Variants in DPH6 observed in about 807,000 individuals in gnomAD.
DPH6 encodes diphthamine biosynthesis 6.
Under a neutral mutation model 38.2 loss-of-function variants are expected in DPH6, and 33 were observed. The ratio of observed to expected loss-of-function variants is 0.86; its 90% CI spans 0.65 to 1.15. DPH6 has a LOEUF of 1.15. Ranked by LOEUF, DPH6 falls within the 50% of genes most tolerant of loss-of-function variation. The pLI, the probability that DPH6 is intolerant of heterozygous loss-of-function variation, is 0.00. For synonymous variants in DPH6, 108 were observed against 103.0 expected, an observed-to-expected ratio of 1.05 and a Z score of -0.30; for missense variants, 325 against 320.0, an observed-to-expected ratio of 1.02 and a Z score of -0.12.
At chr15:35,315,428 G>A (rs977431798) in intron 3 of DPH6, among the ~76,000 whole-genome samples, 4 of 152,238 alleles carry the variant, frequency 2.6e-5, no homozygotes, top group Admixed American at 1.3e-4. Flanking sequence ...AGATGTGTTT[G>A]AGCATAGTTA....
intron 3 of DPH6, among the ~76,000 whole-genome samples, chr15:35,510,589 C>T (rs2054756144): frequency 6.6e-6 from 1 of 152,124 alleles, no homozygotes; most frequent in African/African-American, 2.4e-5. Flanking sequence ...GATGCAGTAA[C>T]CTGTTTCTCA....
chr15:35,511,467 C>A (rs999159204), intron 3 of DPH6, among the ~76,000 whole-genome samples: 1 of 151,644 alleles, frequency 6.6e-6, no homozygotes, highest in South Asian at 2.1e-4. Flanking sequence ...AAGTAGAATG[C>A]GAATGAGAGG....
At chr15:35,260,254 C>G (rs1461877503) in intron 3 of DPH6, among the ~76,000 whole-genome samples, 1 of 151,996 alleles carries the variant, frequency 6.6e-6, no homozygotes, top group Non-Finnish European at 1.5e-5. Flanking sequence ...ATTACAGGCA[C>G]CTGCCATCAC....
chr15:35,445,954 A>G (rs931618071), intron 5 of DPH6, among the ~76,000 whole-genome samples: 2 of 152,306 alleles, frequency 1.3e-5, no homozygotes, highest in South Asian at 4.1e-4. Context: ...TGGTTCTTGC[A>G]TATATTTCAT....
downstream of DPH6, among the ~76,000 whole-genome samples, chr15:35,215,495 C>A (rs76445511): frequency 1.3e-5 from 2 of 152,036 alleles, no homozygotes; most frequent in Non-Finnish European, 2.9e-5. Flanking sequence ...CTCTTACTCC[C>A]GTCTCAGCCT....
chr15:35,172,324 A>G, the DPH6 span, among the ~76,000 whole-genome samples: 1 of 152,204 alleles, frequency 6.6e-6, no homozygotes, highest in Non-Finnish European at 1.5e-5. Context: ...TACGCTACCG[A>G]CAAGCAATCA....
At chr15:35,416,985 C>G (rs190109242) in intron 5 of DPH6, among the ~76,000 whole-genome samples, 3 of 152,074 alleles carry the variant, frequency 2.0e-5, no homozygotes, top group African/African-American at 7.2e-5. Context: ...CATCCTACTC[C>G]AGAATATATT....
chr15:35,420,940 G>A (rs917962275), intron 5 of DPH6, among the ~76,000 whole-genome samples: 7 of 151,898 alleles, frequency 4.6e-5, no homozygotes, highest in Non-Finnish European at 8.8e-5. Flanking sequence ...CCGGTAACAC[G>A]GAAATACAAA....
At chr15:35,493,666 T>C (rs560214320) in intron 3 of DPH6, among the ~76,000 whole-genome samples, 57 of 152,250 alleles carry the variant, frequency 3.7e-4, no homozygotes, top group Admixed American at 3.7e-3. Context: ...AGGGTCATGA[T>C]TCTTCATTAT....
chr15:35,396,845 C>G (rs1639016546), intron 6 of DPH6, among the ~76,000 whole-genome samples: 1 of 152,160 alleles, frequency 6.6e-6, no homozygotes, highest in Non-Finnish European at 1.5e-5. Flanking sequence ...TAAAGTCACT[C>G]TGCAGGGAAC....
At chr15:35,533,092 A>T (rs2055113139) in intron 3 of DPH6, among the ~76,000 whole-genome samples, 1 of 141,084 alleles carries the variant, frequency 7.1e-6, no homozygotes, top group Non-Finnish European at 1.6e-5. Context: ...GGGTGACAAG[A>T]GCGACACTCA....
At chr15:35,531,468 T>C (rs2055086075) in intron 3 of DPH6, among the ~76,000 whole-genome samples, 1 of 152,142 alleles carries the variant, frequency 6.6e-6, no homozygotes, top group South Asian at 2.1e-4. Flanking sequence ...TATCCGATAA[T>C]TACATTAAAA....
rs1013322218 is a variant in DPH6 at position 35,380,546 on chromosome 15, CT to C, written c.662+1275del. Among the ~76,000 whole-genome samples the C allele has an allele frequency of 2.3e-4, 35 of 151,266 alleles. 1 individual carries two copies. Among genetic ancestry groups the C allele is most frequent in the African/African-American group, 7.3e-4 (30 of 41,258 alleles). Reference sequence around the variant, plus strand: ...GGCATGTTTTCCACTTATTGCTGTGCTTTTTTTTTCTGATTTGGTTAGTCCT... The same window carrying C: ...GGCATGTTTTCCACTTATTGCTGTGCTTTTTTTTCTGATTTGGTTAGTCCT... On this transcript the variant is annotated intron_variant, in intron 7 of 8. Coordinates refer to ENST00000256538, the MANE Select transcript of DPH6 (RefSeq NM_080650.4).
chr15:35,280,812 TC>T lies in DPH6; in HGVS notation n.201-60231del, dbSNP rs1375543569. Among the ~76,000 whole-genome samples, 5 of 152,298 alleles carry T rather than the reference TC, an allele frequency of 3.3e-5. No individual in the cohort carries two copies. In the East Asian group the frequency reaches 5.8e-4, roughly 18 times the overall value. On this transcript the variant is annotated intron_variant and non_coding_transcript_variant, in intron 3 of 3. Transcript: ENST00000560386. ...TATTCCTAGTTCTCATAACAAAGAA[TC>T]AGTTTTCAAAAGTTCAAGTTTTCTC...
rs559063918 is a variant in DPH6 at position 35,238,743 on chromosome 15, G to A, written n.201-18161C>T. ...AAAAGAAGTGAAAAGGCCCTGCCCC[G>A]CCTTAACTGATGACATTCCACCATT... On this transcript the variant is annotated intron_variant and non_coding_transcript_variant, in intron 3 of 3. Coordinates refer to the DPH6 transcript ENST00000560386. Among the ~76,000 whole-genome samples the A allele has an allele frequency of 3.2e-4, 48 of 152,072 alleles. No homozygotes were observed. In the South Asian group the frequency reaches 3.7e-3, roughly 12 times the overall value.
At chr15:35,361,195 C>T (rs1199616097) in intron 3 of DPH6, among the ~76,000 whole-genome samples, 6 of 152,200 alleles carry the variant, frequency 3.9e-5, no homozygotes, top group Non-Finnish European at 8.8e-5. Context: ...GGCTAGTCTT[C>T]TCAAAGTGGC....
chr15:35,412,251 T>A lies in DPH6; in HGVS notation c.506-1355A>T, dbSNP rs187651925. 4.0e-3 allele frequency among the ~76,000 whole-genome samples: 602 copies of A among 151,812 alleles called. 1 individual carries two copies. Among genetic ancestry groups the A allele is most frequent in the Admixed American group, 7.8e-3 (119 of 15,218 alleles). On this transcript the variant is annotated intron_variant, in intron 5 of 8. Transcript: ENST00000256538. The stretch of plus-strand genomic sequence containing the variant: ...TAAGCATATGAAAAGATCCTCCACA[T>A]CATATGTCACCAGAGAAATGCAAAT...
chr15:35,308,193 C>A (rs1296337450), intron 3 of DPH6, among the ~76,000 whole-genome samples: 1 of 151,954 alleles, frequency 6.6e-6, no homozygotes, highest in Non-Finnish European at 1.5e-5. Flanking sequence ...CACCTGAGCC[C>A]AGGAGGTTGA....
At chr15:35,545,482 C>A (rs1440453675) in intron 1 of DPH6, among the ~76,000 whole-genome samples, 1 of 152,208 alleles carries the variant, frequency 6.6e-6, no homozygotes, top group Non-Finnish European at 1.5e-5. Flanking sequence ...AAGACTAGTA[C>A]AATTCGGTCT....
Sources: allele counts gnomAD v4.1 joint callset (sites outside exome capture counted in the v4.1 genomes callset), GRCh38; gene constraint gnomAD v4.1.1; transcripts MANE v1.5; gene names NCBI Gene and HGNC (gene_info 2026-07-23, HGNC 2026-07-21).